NEMP2: variants seen among roughly 807,000 people sequenced by gnomAD.
The protein encoded by NEMP2 is UPF0571 transmembrane protein.
In NEMP2, 53 loss-of-function variants were observed where a neutral mutation model predicts 54.2. The observed-to-expected ratio is 0.98, with a 90% CI of 0.78 to 1.23. The LOEUF (loss-of-function observed/expected upper bound fraction) is 1.23. Ranked by LOEUF, NEMP2 falls within the 50% of genes most tolerant of loss-of-function variation. NEMP2 has a pLI of 0.00. For synonymous variants in NEMP2, 197 were observed against 190.3 expected, an observed-to-expected ratio of 1.04 and a Z score of -0.29; for missense variants, 455 against 511.3, an observed-to-expected ratio of 0.89 and a Z score of 1.06.
At chr2:190,589,574 G>T in the NEMP2 span, among the ~76,000 whole-genome samples, 1 of 152,104 alleles carries the variant, frequency 6.6e-6, no homozygotes, top group Non-Finnish European at 1.5e-5. The surrounding 1 kb of genome is among the most constrained non-coding windows in gnomAD (Gnocchi z 4.3). Context: ...GGTTCTACAA[G>T]GTCTTCAATT....
chr2:190,426,654 C>T, the NEMP2 span, among the ~76,000 whole-genome samples: 1 of 152,126 alleles, frequency 6.6e-6, no homozygotes, highest in Non-Finnish European at 1.5e-5. This position sits in a 1 kb window ranked among gnomAD's most constrained non-coding sequence, Gnocchi z 4.7. Context: ...TTGGAGTCCC[C>T]AGTGTCTATT....
chr2:190,566,138 T>C, the NEMP2 span, among the ~76,000 whole-genome samples: 1 of 152,142 alleles, frequency 6.6e-6, no homozygotes, highest in East Asian at 1.9e-4. Context: ...AGTCCCTTCA[T>C]TGCAGTGTAT....
chr2:190,505,141 A>T lies in NEMP2; in HGVS notation c.*4048T>A, dbSNP rs1690156788. The T allele has an allele frequency of 6.6e-6, 1 of 152,204 alleles. No individual in the cohort carries two copies. The highest frequency in any genetic ancestry group is 1.5e-5 in the Non-Finnish European group (1 of 68,036). The allele number at this position is 152,204 out of a possible 1,614,324, so 9.4% of individuals were successfully genotyped here. A position where few individuals can be genotyped will look rare whatever the true frequency, so the allele number is the denominator to read the frequency against. On this transcript the variant is annotated 3_prime_UTR_variant, in exon 9 of 9. Transcript: ENST00000409150. The surrounding 1 kb of genome is among the most constrained non-coding windows in gnomAD (Gnocchi z 5.8). ...TGACTGGTATGTGTATAACATCAGC[A>T]GATGTAGTCACCTCTTGAATGCCTT...
In NEMP2 at chr2:190,522,171, AT is replaced by A. The variant is rs1450137285; in HGVS notation, c.214-2989del. On this transcript the variant is annotated intron_variant, in intron 2 of 8. Transcript: ENST00000409150. This position sits in a 1 kb window ranked among gnomAD's most constrained non-coding sequence, Gnocchi z 5.0. ...TTAATGTTGTAGATACTTATAAATAATGATAATAACACAAACATAAAGATGG... is the reference window on the plus strand; with the variant it reads ...TTAATGTTGTAGATACTTATAAATAAGATAATAACACAAACATAAAGATGG... Among the ~76,000 whole-genome samples the A allele has an allele frequency of 6.6e-6, 1 of 152,184 alleles. No individual in the cohort carries two copies. The highest frequency in any genetic ancestry group is 2.4e-5 in the African/African-American group (1 of 41,450).
At chr2:190,627,262 A>G in the NEMP2 span, among the ~76,000 whole-genome samples, 1 of 152,250 alleles carries the variant, frequency 6.6e-6, no homozygotes, top group Non-Finnish European at 1.5e-5. The surrounding 1 kb of genome is among the most constrained non-coding windows in gnomAD (Gnocchi z 4.4). Flanking sequence ...TTTGCTTTAT[A>G]AGACTTTTCT....
At chr2:190,449,121 TG>T in the NEMP2 span, among the ~76,000 whole-genome samples, 1 of 152,254 alleles carries the variant, frequency 6.6e-6, no homozygotes, top group East Asian at 1.9e-4. Context: ...ATAACAACCA[TG>T]GCTTCAGGTC....
At chr2:190,546,386 A>G in the NEMP2 span, among the ~76,000 whole-genome samples, 1 of 152,180 alleles carries the variant, frequency 6.6e-6, no homozygotes. This position sits in a 1 kb window ranked among gnomAD's most constrained non-coding sequence, Gnocchi z 5.1. Flanking sequence ...GGGAAGATGA[A>G]TGTAGGCTAT....
the NEMP2 span, among the ~76,000 whole-genome samples, chr2:190,474,411 A>G: frequency 1.2e-3 from 181 of 152,356 alleles, 1 homozygote; most frequent in African/African-American, 4.2e-3. Context: ...AGAAATACAA[A>G]CTACCATCAG....
chr2:190,596,393 TATA>T, the NEMP2 span, among the ~76,000 whole-genome samples: 1 of 152,152 alleles, frequency 6.6e-6, no homozygotes, highest in Non-Finnish European at 1.5e-5. The surrounding 1 kb of genome is among the most constrained non-coding windows in gnomAD (Gnocchi z 5.1). Context: ...GAACTTAAAG[TATA>T]ATAATAATTT....
chr2:190,514,595 G>A lies in NEMP2; in HGVS notation c.811C>T (p.Leu271=), dbSNP rs1328049672. The A allele has an allele frequency of 4.5e-6, 7 of 1,551,706 alleles. No individual in the cohort carries two copies. The highest frequency in any genetic ancestry group is 5.2e-6 in the Non-Finnish European group (6 of 1,147,002). ...GAGAGGAGTCGCAGCATCCACATCAGAAGACTTCTGCTCCTGTCGTCTGCA... is the reference window on the plus strand; with the variant it reads ...GAGAGGAGTCGCAGCATCCACATCAAAAGACTTCTGCTCCTGTCGTCTGCA... ...PLADDRSRSL[L]MWMLRLLSLV... The change falls in exon 7 of 9, where the codon CTG becomes TTG. Residue 271 remains leucine (L), a synonymous_variant. Transcript: ENST00000409150. This position sits in a 1 kb window ranked among gnomAD's most constrained non-coding sequence, Gnocchi z 5.7.
chr2:190,581,946 G>A, the NEMP2 span, among the ~76,000 whole-genome samples: 14 of 152,208 alleles, frequency 9.2e-5, 2 homozygotes, highest in African/African-American at 3.1e-4. Context: ...GCTATAAATC[G>A]GGGATTCCCT....
chr2:190,542,681 A>T, the NEMP2 span, among the ~76,000 whole-genome samples: 49 of 151,748 alleles, frequency 3.2e-4, no homozygotes, highest in African/African-American at 1.2e-3. The surrounding 1 kb of genome is among the most constrained non-coding windows in gnomAD (Gnocchi z 4.6). Flanking sequence ...CCACTAATGA[A>T]TTTTTCAGTT....
chr2:190,467,114 T>C, the NEMP2 span, among the ~76,000 whole-genome samples: 3 of 152,214 alleles, frequency 2.0e-5, no homozygotes, highest in Admixed American at 6.5e-5. The surrounding 1 kb of genome is among the most constrained non-coding windows in gnomAD (Gnocchi z 5.5). Context: ...ATTACCAACA[T>C]TGTTTTATGA....
the NEMP2 span, among the ~76,000 whole-genome samples, chr2:190,633,493 T>TTTA: frequency 1.3e-5 from 2 of 151,934 alleles, no homozygotes; most frequent in African/African-American, 4.8e-5. Flanking sequence ...TTTGTATTTT[T>TTTA]AGTAGAGACG....
intron 7 of NEMP2, among the ~76,000 whole-genome samples, chr2:190,511,497 T>C (rs1690362552): frequency 6.6e-6 from 1 of 151,922 alleles, no homozygotes; most frequent in South Asian, 2.1e-4. Context: ...ATAAAAATAG[T>C]AACAATAATA....
At chr2:190,555,412 G>A in the NEMP2 span, among the ~76,000 whole-genome samples, 8 of 151,888 alleles carry the variant, frequency 5.3e-5, no homozygotes, top group African/African-American at 1.2e-4. This position sits in a 1 kb window ranked among gnomAD's most constrained non-coding sequence, Gnocchi z 4.8. Flanking sequence ...GCAAGGAAGC[G>A]AATAGCCTTG....
the NEMP2 span, among the ~76,000 whole-genome samples, chr2:190,589,666 G>A: frequency 7.9e-5 from 12 of 152,242 alleles, no homozygotes; most frequent in Admixed American, 5.9e-4. This position sits in a 1 kb window ranked among gnomAD's most constrained non-coding sequence, Gnocchi z 4.3. Context: ...TGCTGTGGCT[G>A]TTCAACCTCA....
At chr2:190,618,726 C>T in the NEMP2 span, among the ~76,000 whole-genome samples, 177 of 152,132 alleles carry the variant, frequency 1.2e-3, 6 homozygotes, top group Non-Finnish European at 7.2e-4. Flanking sequence ...ACTACTGGCA[C>T]GTTTCACCAA....
the NEMP2 span, among the ~76,000 whole-genome samples, chr2:190,551,916 G>T: frequency 1.3e-5 from 2 of 152,082 alleles, no homozygotes; most frequent in African/African-American, 2.4e-5. Context: ...TTTATCAGTT[G>T]TTCTGCTATC....
Sources: gnomAD v4.1 joint callset for allele counts (sites outside exome capture counted in the v4.1 genomes callset) on GRCh38, gnomAD v4.1.1 for gene constraint, Gnocchi (gnomAD v3.1) non-coding constraint, MANE v1.5 for transcripts, NCBI Gene and HGNC (gene_info 2026-07-23, HGNC 2026-07-21) for gene names.